The following FARP2 variants were observed in gnomAD, a reference collection of about 807,000 sequenced individuals.
FARP2 encodes the protein FERM, ARHGEF and pleckstrin domain-containing protein 2.
In FARP2, 111 loss-of-function variants were observed where a neutral mutation model predicts 130.5. The ratio of observed to expected loss-of-function variants is 0.85; its 90% confidence interval spans 0.73 to 1.00. The LOEUF (loss-of-function observed/expected upper bound fraction) is 1.00. FARP2 is among the 50% of genes least tolerant of loss of function. FARP2 has a pLI of 0.00. For missense variants in FARP2, 1,385 were observed against 1,346.3 expected (o/e 1.03, Z -0.45); for synonymous variants, 504 against 516.9 (o/e 0.98, Z 0.34).
intron 20 of FARP2, chr2:241,483,758 T>C (rs749460336): frequency 4.8e-5 from 47 of 980,372 alleles, no homozygotes; most frequent in East Asian, 3.4e-4. Flanking sequence ...CCAGCCTCCT[T>C]CTTCATTCCA....
chr2:241,432,174 T>C (rs2063109480), intron 9 of FARP2: 1 of 153,570 alleles, frequency 6.5e-6, no homozygotes, highest in Non-Finnish European at 1.4e-5. Context: ...TCATAATTTA[T>C]TCTGCTAAAA....
At position 241,491,139 on chromosome 2, in the gene FARP2, C is replaced by G; in HGVS notation, c.2583C>G (p.Ala861=). ...IQAAKSGGDT[A]PALPGRTVCT... ...CAGCCAAGAGTGGCGGTGACACGGC[C>G]CCTGCACTGCCAGGCCGCACTGTGT... Residue 861 remains alanine, a synonymous_variant, in exon 23 of 27, where the codon GCC becomes GCG. Coordinates refer to ENST00000264042, the MANE Select transcript of FARP2 (RefSeq NM_014808.4). The G allele has an allele frequency of 6.2e-7, 1 of 1,613,206 alleles. No homozygotes were observed. Among genetic ancestry groups the G allele is most frequent in the South Asian group, 1.1e-5 (1 of 91,090 alleles).
chr2:241,424,850 A>G (rs1411320206), intron 8 of FARP2, among the ~76,000 whole-genome samples: 2 of 152,204 alleles, frequency 1.3e-5, no homozygotes, highest in South Asian at 2.1e-4. Flanking sequence ...AAAATCTAAA[A>G]GAAACTGATA....
intron 1 of FARP2, among the ~76,000 whole-genome samples, chr2:241,358,721 T>C (rs926774433): frequency 5.3e-5 from 8 of 152,196 alleles, no homozygotes; most frequent in Admixed American, 5.2e-4. Context: ...GATACTGAGC[T>C]GAGGTAATTC....
At chr2:241,447,604 C>A (rs1465886511) in intron 13 of FARP2, among the ~76,000 whole-genome samples, 1 of 152,206 alleles carries the variant, frequency 6.6e-6, no homozygotes, top group Non-Finnish European at 1.5e-5. Flanking sequence ...TCAGCCAAAA[C>A]CACCCTGTAA....
At chr2:241,390,089 TTCACCTTTGATA>T (rs1245207642) in intron 2 of FARP2, among the ~76,000 whole-genome samples, 4 of 152,218 alleles carry the variant, frequency 2.6e-5, no homozygotes, top group Non-Finnish European at 5.9e-5. Flanking sequence ...CACTGTGCCC[TTCACCTTTGATA>T]AGTGTTCTTA....
At chr2:241,360,622 C>T (rs528147739) in intron 1 of FARP2, among the ~76,000 whole-genome samples, 2 of 148,662 alleles carry the variant, frequency 1.3e-5, no homozygotes, top group South Asian at 2.1e-4. Flanking sequence ...TGCAGTGAGC[C>T]GTGATCACGC....
intron 21 of FARP2, among the ~76,000 whole-genome samples, chr2:241,486,287 CTTTT>C (rs71406464): frequency 1.7e-4 from 18 of 103,892 alleles, no homozygotes; most frequent in Non-Finnish European, 2.6e-4. Context: ...CTCCAAAAAT[CTTTT>C]TTTTTTTTTT....
At chr2:241,380,802 A>G (rs1227648822) in intron 2 of FARP2, among the ~76,000 whole-genome samples, 1 of 151,946 alleles carries the variant, frequency 6.6e-6, no homozygotes, top group African/African-American at 2.4e-5. Context: ...CCTCCCCTGA[A>G]ACTTCAAATG....
chr2:241,436,576 T>C (rs746453678), intron 12 of FARP2, 38 bp downstream of exon 12: 1 of 1,540,780 alleles, frequency 6.5e-7, no homozygotes. Flanking sequence ...GCAGTAGGAG[T>C]TCCCTGTACT....
intron 2 of FARP2, among the ~76,000 whole-genome samples, chr2:241,395,050 C>A (rs950924053): frequency 2.0e-5 from 3 of 152,212 alleles, no homozygotes; most frequent in Non-Finnish European, 4.4e-5. Context: ...CCTTATTACA[C>A]TCCCATAAAA....
Position 241,421,587 on chromosome 2 carries a change from T to A in FARP2, c.771+3478T>A, listed in dbSNP as rs998201176. Among the ~76,000 whole-genome samples, 7 of 152,212 alleles carry A rather than the reference T, an allele frequency of 4.6e-5. No homozygotes were observed. In the South Asian group the frequency reaches 1.2e-3, roughly 27 times the overall value. ...CTGGATAAGGAAGAGTTCCCCCACA[T>A]GCAGCATACGTACTCTGCAAAAAGC... On this transcript the variant is annotated intron_variant, in intron 8 of 26. Coordinates refer to ENST00000264042, the MANE Select transcript of FARP2 (RefSeq NM_014808.4).
intron 2 of FARP2, among the ~76,000 whole-genome samples, chr2:241,393,445 C>T (rs930476208): frequency 2.0e-5 from 3 of 152,016 alleles, no homozygotes; most frequent in Non-Finnish European, 4.4e-5. Context: ...ATGTTGGTGA[C>T]CTTTCAAAGA....
At chr2:241,392,582 C>T (rs1049629672) in intron 2 of FARP2, among the ~76,000 whole-genome samples, 16 of 152,132 alleles carry the variant, frequency 1.1e-4, no homozygotes, top group African/African-American at 3.9e-4. Context: ...TCTCTTCAGT[C>T]TAGAAAGATG....
rs781266665 is a variant in FARP2, at chr2:241,476,015, T to C, written c.2262+28T>C. The C allele has an allele frequency of 1.9e-6, 3 of 1,588,746 alleles. No individual in the cohort carries two copies. In the South Asian group the frequency reaches 3.4e-5, roughly 18 times the overall value. On this transcript the variant is annotated intron_variant, in intron 19 of 26. Transcript: ENST00000264042. ...GAGTGACCTTGCTCTGGGAATGTTT[T>C]TTGAGCTACTTTGGTTTTTCAATTG...
At chr2:241,363,496 A>T (rs2061236168) in intron 1 of FARP2, among the ~76,000 whole-genome samples, 1 of 152,256 alleles carries the variant, frequency 6.6e-6, no homozygotes, top group South Asian at 2.1e-4. Flanking sequence ...GGGAGATTCC[A>T]GAGAGGGAAT....
intron 8 of FARP2, among the ~76,000 whole-genome samples, chr2:241,427,852 G>A (rs1203338429): frequency 1.3e-5 from 2 of 151,932 alleles, no homozygotes; most frequent in African/African-American, 2.4e-5. Context: ...TGCAACCTCC[G>A]CCTCCCAGCT....
intron 14 of FARP2, among the ~76,000 whole-genome samples, chr2:241,460,656 A>T (rs1374683542): frequency 1.3e-5 from 2 of 152,052 alleles, no homozygotes; most frequent in African/African-American, 2.4e-5. Context: ...AAGATAAAAA[A>T]GTCATTTTTA....
At chr2:241,359,970 T>C (rs1407922658) in intron 1 of FARP2, among the ~76,000 whole-genome samples, 1 of 152,220 alleles carries the variant, frequency 6.6e-6, no homozygotes, top group Non-Finnish European at 1.5e-5. Context: ...CAGTGCATTT[T>C]TGAGGCCTTG....
Sources: gnomAD v4.1 joint callset for allele counts (sites outside exome capture counted in the v4.1 genomes callset) on GRCh38, gnomAD v4.1.1 for gene constraint, MANE v1.5 for transcripts, NCBI Gene and HGNC (gene_info 2026-07-23, HGNC 2026-07-21) for gene names.